Variants in MINDY4 observed in about 807,000 individuals in gnomAD.
MINDY4 encodes the protein MINDY lysine 48 deubiquitinase 4.
A neutral mutation model predicts 87.0 loss-of-function variants in MINDY4; 68 were observed. That is an observed-to-expected ratio of 0.78 (90% CI 0.64 to 0.96). The LOEUF (loss-of-function observed/expected upper bound fraction) is 0.96, where lower values mean the gene tolerates loss of function less well. Ranked by LOEUF, MINDY4 falls within the 40% of genes least tolerant of loss-of-function variation. MINDY4 has a pLI of 0.00. For missense variants in MINDY4, 919 were observed against 928.2 expected (o/e 0.99, Z 0.13); for synonymous variants, 379 against 363.2 (o/e 1.04, Z -0.50).
intron 5 of MINDY4, among the ~76,000 whole-genome samples, chr7:30,793,004 T>C (rs1787369957): frequency 6.6e-6 from 1 of 151,136 alleles, no homozygotes; most frequent in Non-Finnish European, 1.5e-5. Context: ...ATACGTTACA[T>C]ATTCGTATAA....
chr7:30,840,625 A>C, intron 8 of MINDY4, 135 bp from the exon 9 acceptor site: 2 of 658,546 alleles, frequency 3.0e-6, no homozygotes, highest in Non-Finnish European at 5.3e-6. Context: ...AGCAGTTGCC[A>C]CATCAGAGGC....
chr7:30,786,233 C>T, intron 4 of MINDY4: 1 of 524,096 alleles, frequency 1.9e-6, no homozygotes, highest in Non-Finnish European at 3.4e-6. Context: ...AGGTGGATGC[C>T]ATGGTTTTCT....
rs530211573 is a variant in MINDY4, at chr7:30,785,929, C to T, written c.600C>T (p.Ser200=). ...SLDVKRMGEN[S]RPKSGLIVRG... is the part of the protein sequence containing the mutation. ...ATGTGAAGAGGATGGGAGAGAATTCCAGGCCAAAGTCTGGTCTGATTGTGC... is the reference window on the plus strand; with the variant it reads ...ATGTGAAGAGGATGGGAGAGAATTCTAGGCCAAAGTCTGGTCTGATTGTGC... The change falls in exon 4 of 18, where the codon TCC becomes TCT. Residue 200 remains serine (S), a synonymous_variant. Coordinates refer to ENST00000265299, the MANE Select transcript of MINDY4 (RefSeq NM_032222.3). The T allele has an allele frequency of 4.2e-5, 68 of 1,614,108 alleles. No individual in the cohort carries two copies. Among genetic ancestry groups the T allele is most frequent in the Non-Finnish European group, 5.6e-5 (66 of 1,180,058 alleles).
At chr7:30,807,509 A>C (rs775862178) in intron 5 of MINDY4, among the ~76,000 whole-genome samples, 22 of 152,202 alleles carry the variant, frequency 1.4e-4, no homozygotes, top group Admixed American at 3.3e-4. Context: ...AGATTTAAAA[A>C]AAAAAGCCGG....
intron 6 of MINDY4, among the ~76,000 whole-genome samples, chr7:30,831,395 G>T (rs1333190616): frequency 1.3e-5 from 2 of 152,122 alleles, no homozygotes; most frequent in Non-Finnish European, 2.9e-5. Flanking sequence ...TCTTACCTCT[G>T]TCCCACATCA....
chr7:30,798,650 C>T (rs1787562829), intron 5 of MINDY4, among the ~76,000 whole-genome samples: 1 of 152,196 alleles, frequency 6.6e-6, no homozygotes, highest in South Asian at 2.1e-4. Flanking sequence ...TCGCCCGCCA[C>T]CACGCCTGGC....
intron 9 of MINDY4, among the ~76,000 whole-genome samples, chr7:30,846,228 A>G (rs1256101266): frequency 6.6e-6 from 1 of 152,108 alleles, no homozygotes; most frequent in African/African-American, 2.4e-5. Flanking sequence ...CCTGAGAGGG[A>G]GCAGACAGGG....
At chr7:30,815,049 C>T (rs998686764) in intron 5 of MINDY4, among the ~76,000 whole-genome samples, 1 of 152,220 alleles carries the variant, frequency 6.6e-6, no homozygotes, top group Admixed American at 6.5e-5. Context: ...GTGCAGCTTA[C>T]TTCCCTGACA....
chr7:30,877,258 C>T (rs1297085410), intron 15 of MINDY4, among the ~76,000 whole-genome samples: 1 of 152,094 alleles, frequency 6.6e-6, no homozygotes, highest in Non-Finnish European at 1.5e-5. Flanking sequence ...CATGGAATTC[C>T]CAGGCTCACC....
At chr7:30,869,542 G>A (rs1790040018) in intron 13 of MINDY4, among the ~76,000 whole-genome samples, 1 of 151,970 alleles carries the variant, frequency 6.6e-6, no homozygotes, top group African/African-American at 2.4e-5. Flanking sequence ...CCTCTCTCCC[G>A]GGCTCGCAGG....
intron 15 of MINDY4, among the ~76,000 whole-genome samples, chr7:30,881,495 G>A (rs1236302540): frequency 1.3e-5 from 2 of 152,108 alleles, no homozygotes; most frequent in Non-Finnish European, 2.9e-5. Context: ...GGCTCCCCAG[G>A]GCTCCATTCC....
chr7:30,813,389 T>TG (rs1788063218), intron 5 of MINDY4, among the ~76,000 whole-genome samples: 1 of 152,196 alleles, frequency 6.6e-6, no homozygotes, highest in Non-Finnish European at 1.5e-5. Context: ...TGTGCTCCCG[T>TG]GCTGTGGGGT....
At chr7:30,811,891 C>T (rs910067375) in intron 5 of MINDY4, among the ~76,000 whole-genome samples, 7 of 152,154 alleles carry the variant, frequency 4.6e-5, no homozygotes, top group Admixed American at 2.6e-4. Flanking sequence ...TTGTTGGAGA[C>T]GTGAGTCTTG....
chr7:30,786,087 G>C, intron 4 of MINDY4, 95 bp downstream of exon 4: 6 of 1,509,840 alleles, frequency 4.0e-6, no homozygotes, highest in Non-Finnish European at 5.4e-6. Context: ...TACCCCACAG[G>C]GCAGTCCGAG....
At position 30,771,488 on chromosome 7, in the gene MINDY4, A is replaced by C; in HGVS notation, c.-6A>C. Reference sequence around the variant, plus strand: ...GGGCCTCGTGGGCAGAGCCAGAGCCAGAGCCATGGACAGCCTCTTCGTGGA... The same window carrying C: ...GGGCCTCGTGGGCAGAGCCAGAGCCCGAGCCATGGACAGCCTCTTCGTGGA... On this transcript the variant is annotated 5_prime_UTR_variant, in exon 1 of 18. Coordinates refer to ENST00000265299, the MANE Select transcript of MINDY4 (RefSeq NM_032222.3). 1 of 1,603,492 alleles carries C rather than the reference A, an allele frequency of 6.2e-7. No individual in the cohort carries two copies. The highest frequency in any genetic ancestry group is 2.2e-5 in the East Asian group (1 of 44,480).
intron 5 of MINDY4, among the ~76,000 whole-genome samples, chr7:30,819,373 CAG>C (rs2128560246): frequency 6.6e-6 from 1 of 152,156 alleles, no homozygotes; most frequent in South Asian, 2.1e-4. Context: ...TCTTTGTAAT[CAG>C]AAACACAGTT....
intron 5 of MINDY4, among the ~76,000 whole-genome samples, chr7:30,821,609 G>A (rs1483485349): frequency 6.6e-6 from 1 of 152,140 alleles, no homozygotes; most frequent in African/African-American, 2.4e-5. Flanking sequence ...GAGAATGCAT[G>A]TCTGGAAAGT....
At chr7:30,850,337 G>A in intron 9 of MINDY4, 117 bp from the exon 10 acceptor site, 1 of 955,914 alleles carries the variant, frequency 1.0e-6, no homozygotes, top group Non-Finnish European at 1.6e-6. Context: ...CCCCTCTGCA[G>A]GCCAGAGAAA....
chr7:30,798,376 C>T (rs1317780108), intron 5 of MINDY4, among the ~76,000 whole-genome samples: 1 of 152,144 alleles, frequency 6.6e-6, no homozygotes, highest in Non-Finnish European at 1.5e-5. Flanking sequence ...AGGATAACTG[C>T]AAAGATTTTG....
Sources: allele counts gnomAD v4.1 joint callset (sites outside exome capture counted in the v4.1 genomes callset), GRCh38; gene constraint gnomAD v4.1.1; transcripts MANE v1.5; gene names NCBI Gene and HGNC (gene_info 2026-07-23, HGNC 2026-07-21).